The following G6PD variants were observed in gnomAD, a reference collection of about 807,000 sequenced individuals.
G6PD encodes the protein glucose-6-phosphate dehydrogenase.
In G6PD, 2 loss-of-function variants were observed where a neutral mutation model predicts 38.2. The ratio of observed to expected loss-of-function variants is 0.05; its 90% CI spans 0.02 to 0.16. The LOEUF (loss-of-function observed/expected upper bound fraction) is 0.16. G6PD is among the 10% of genes least tolerant of loss of function. The pLI, the probability that G6PD is intolerant of heterozygous loss-of-function variation, is 1.00. For missense variants in G6PD, 310 were observed against 471.6 expected, an observed-to-expected ratio of 0.66 and a Z score of 3.17; for synonymous variants, 188 against 196.0, an observed-to-expected ratio of 0.96 and a Z score of 0.34.
intron 2 of G6PD, among the ~76,000 whole-genome samples, chrX:154,545,557 G>A (rs1339972215): frequency 2.7e-5 from 3 of 111,895 alleles, no homozygotes; most frequent in Non-Finnish European, 5.6e-5. Flanking sequence ...TCCTGCAGCC[G>A]GGCGTGGTGG....
At chrX:154,540,149 C>A (rs1038036006) in intron 2 of G6PD, among the ~76,000 whole-genome samples, 1 of 108,688 alleles carries the variant, frequency 9.2e-6, no homozygotes, top group African/African-American at 3.3e-5. Context: ...CGAGACCAGC[C>A]TGGCAAACAT....
chrX:154,536,292 G>A (rs782343579), intron 2 of G6PD, 114 bp from the exon 3 acceptor site: 1 of 710,589 alleles, frequency 1.4e-6, no homozygotes, highest in Admixed American at 2.6e-5. Flanking sequence ...TGGGCCACAA[G>A]CATGTCTGTC....
Position 154,546,783 on chromosome X carries a change from G to C in G6PD, c.-9+6C>G. On this transcript the variant is annotated splice_donor_region_variant and intron_variant, in intron 1 of 12. Coordinates refer to ENST00000393562, the MANE Select transcript of G6PD (RefSeq NM_001360016.2). ...CCGCCTGCGCGGCGCCCGCCCGGCC[G>C]GTTACCTGCGCTTCGTCGTCGTCGC... is the stretch of plus-strand genomic sequence containing the variant. 2 of 1,157,609 alleles carry C rather than the reference G, an allele frequency of 1.7e-6. No homozygotes were observed. The highest frequency in any genetic ancestry group is 3.8e-5 in the South Asian group (2 of 52,688).
At chrX:154,537,772 G>C (rs1557231106) in intron 2 of G6PD, among the ~76,000 whole-genome samples, 1 of 111,938 alleles carries the variant, frequency 8.9e-6, no homozygotes, top group African/African-American at 3.2e-5. Flanking sequence ...TCCTGCAGAA[G>C]GAAGAAAGGG....
chrX:154,542,161 A>G, intron 2 of G6PD: 1 of 520,769 alleles, frequency 1.9e-6, no homozygotes, highest in East Asian at 3.9e-5. Flanking sequence ...ACCAATGGGG[A>G]AGTCAGCCCA....
At position 154,546,129 on chromosome X, in the gene G6PD, C is replaced by G; in HGVS notation, c.27G>C (p.Arg9=). The change falls in exon 2 of 13, where the codon CGG becomes CGC. Residue 9 remains arginine (R), a synonymous_variant. Coordinates refer to ENST00000393562, the MANE Select transcript of G6PD (RefSeq NM_001360016.2). MAEQVALS[R]TQVCGILREE... is the part of the protein sequence containing the mutation. ...CCCGCAGGATCCCGCACACCTGGGT[C>G]CGGCTCAGGGCCACCTGCTCTGCCA... 8.3e-7 allele frequency: 1 copy of G among 1,211,852 alleles called. No individual in the cohort carries two copies. Among genetic ancestry groups the G allele is most frequent in the South Asian group, 1.8e-5 (1 of 57,032 alleles).
intron 4 of G6PD, chrX:154,535,728 C>T (rs1287724182): frequency 4.3e-6 from 2 of 462,282 alleles, no homozygotes; most frequent in African/African-American, 4.8e-5. Context: ...GCGGAGAAAA[C>T]GCAGCAGAGC....
intron 2 of G6PD, among the ~76,000 whole-genome samples, chrX:154,542,734 G>A (rs1303546647): frequency 8.9e-6 from 1 of 111,917 alleles, no homozygotes; most frequent in African/African-American, 3.3e-5. Context: ...CGGGGCTCCG[G>A]GCATTTGCTC....
intron 2 of G6PD, among the ~76,000 whole-genome samples, chrX:154,539,116 T>C (rs782725760): frequency 7.2e-5 from 8 of 111,294 alleles, no homozygotes; most frequent in South Asian, 7.4e-4. Context: ...GTGCGGGTGC[T>C]CCCTCTGATC....
upstream of G6PD, chrX:154,547,185 C>G (rs1603415917): frequency 1.8e-5 from 5 of 281,584 alleles, no homozygotes; most frequent in African/African-American, 2.9e-5. Flanking sequence ...CCTGCCCCGG[C>G]GGCCTCGCGC....
At chrX:154,539,815 T>A (rs1460410114) in intron 2 of G6PD, among the ~76,000 whole-genome samples, 1 of 109,984 alleles carries the variant, frequency 9.1e-6, no homozygotes, top group Non-Finnish European at 1.9e-5. Flanking sequence ...CTCCACCTCC[T>A]GGGTTCAAGC....
At position 154,534,017 on chromosome X, in the gene G6PD, G is replaced by A; in HGVS notation, c.770+18C>T. 1 of 1,211,712 alleles carries A rather than the reference G, an allele frequency of 8.3e-7. No homozygotes were observed. The highest frequency in any genetic ancestry group is 1.1e-6 in the Non-Finnish European group (1 of 895,402). ...GCCACCCTGTGCCAGCCTCCCAGGA[G>A]AGAGGAAGAGCTCTCACCGGATGAT... On this transcript the variant is annotated intron_variant, in intron 7 of 12. Coordinates refer to ENST00000393562, the MANE Select transcript of G6PD (RefSeq NM_001360016.2).
Position 154,531,897 on chromosome X carries a change from G to A in G6PD, c.*103C>T. 3.5e-6 allele frequency: 4 copies of A among 1,134,238 alleles called. No individual in the cohort carries two copies. The highest frequency in any genetic ancestry group is 4.7e-6 in the Non-Finnish European group (4 of 849,690). The allele number at this position is 1,134,238 out of a possible 1,213,427, so 93.5% of individuals were successfully genotyped here. ...CCAGGGTGGCCAGAGCCCGGGGCCAGGAATGTGCAGCTGAGGTCAATGGTC... is the reference window on the plus strand; with the variant it reads ...CCAGGGTGGCCAGAGCCCGGGGCCAAGAATGTGCAGCTGAGGTCAATGGTC... On this transcript the variant is annotated 3_prime_UTR_variant, in exon 13 of 13. Transcript: ENST00000393562.
In G6PD at chrX:154,546,054, G is replaced by T. The variant is rs1557233164; in HGVS notation, c.102C>A (p.Phe34Leu). The T allele has an allele frequency of 1.7e-6, 2 of 1,211,027 alleles. No individual in the cohort carries two copies. The highest frequency in any genetic ancestry group is 4.3e-5 in the Admixed American group (2 of 45,992). Reference sequence around the variant, plus strand: ...TACTCACCGATGCACCCATGATGATGAATATGTGTGTATCCGACTGATGGA... The same window carrying T: ...TACTCACCGATGCACCCATGATGATTAATATGTGTGTATCCGACTGATGGA... ...DAFHQSDTHI[F>L]IIMGASGDLA... is the part of the protein sequence containing the mutation. Residue 34 changes from phenylalanine (F) to leucine (L), a missense_variant, in exon 2 of 13, where the codon TTC (phenylalanine) becomes TTA (leucine). Coordinates refer to ENST00000393562, the MANE Select transcript of G6PD (RefSeq NM_001360016.2).
At chrX:154,542,271 T>A in intron 2 of G6PD, 3 of 1,141,494 alleles carry the variant, frequency 2.6e-6, no homozygotes, top group Non-Finnish European at 2.4e-6. Context: ...CCCATGGCCC[T>A]TGTGATCCAG....
At chrX:154,535,672 C>T (rs1165753060) in intron 4 of G6PD, 1 of 450,211 alleles carries the variant, frequency 2.2e-6, no homozygotes, top group Non-Finnish European at 3.9e-6. Flanking sequence ...GAGAAATACA[C>T]TGGAGAAAGC....
At chrX:154,541,045 C>T (rs947192239) in intron 2 of G6PD, among the ~76,000 whole-genome samples, 8 of 111,815 alleles carry the variant, frequency 7.2e-5, no homozygotes, top group African/African-American at 2.6e-4. Flanking sequence ...CATCAACTCA[C>T]GGCTGGCCCC....
chrX:154,542,481 G>C (rs2070543114), intron 2 of G6PD: 1 of 1,154,716 alleles, frequency 8.7e-7, no homozygotes, highest in African/African-American at 1.8e-5. Flanking sequence ...TTTCTGGTAG[G>C]GGTGGGAGTC....
At chrX:154,544,452 G>A (rs782063022) in intron 2 of G6PD, among the ~76,000 whole-genome samples, 8 of 112,536 alleles carry the variant, frequency 7.1e-5, no homozygotes, top group South Asian at 3.6e-4. Flanking sequence ...GAGCCACTGC[G>A]CCCAGCCAAT....
Sources: allele counts gnomAD v4.1 joint callset (sites outside exome capture counted in the v4.1 genomes callset), GRCh38; gene constraint gnomAD v4.1.1; transcripts MANE v1.5; gene names NCBI Gene and HGNC (gene_info 2026-07-23, HGNC 2026-07-21).